The following TGM6 variants were observed in gnomAD, a reference collection of about 807,000 sequenced individuals.
TGM6 encodes the protein transglutaminase 6.
TGM6 carries 74 observed loss-of-function variants against 77.5 expected under a neutral mutation model. The observed-to-expected ratio is 0.96, with a 90% CI of 0.79 to 1.16. The LOEUF (loss-of-function observed/expected upper bound fraction) is 1.16. Among genes scored for constraint, TGM6 ranks in the 50% most tolerant of loss-of-function variants. The probability of loss-of-function intolerance (pLI) is 0.00; values close to 1 mark genes in which losing one functional copy is unlikely to be tolerated. For missense variants in TGM6, 968 were observed against 940.2 expected, an observed-to-expected ratio of 1.03 and a Z score of -0.39; for synonymous variants, 383 against 378.9, an observed-to-expected ratio of 1.01 and a Z score of -0.12.
At chr20:2,390,316 T>C (rs1175143628) in intron 1 of TGM6, among the ~76,000 whole-genome samples, 1 of 152,234 alleles carries the variant, frequency 6.6e-6, no homozygotes, top group Non-Finnish European at 1.5e-5. Context: ...TCTGTGCATG[T>C]ATGTATGTTC....
chr20:2,427,845 T>G (rs1308583373), intron 10 of TGM6, among the ~76,000 whole-genome samples: 2 of 152,150 alleles, frequency 1.3e-5, no homozygotes, highest in Non-Finnish European at 2.9e-5. Context: ...AGCCTCAACT[T>G]CCCAGGCTCA....
intron 9 of TGM6, among the ~76,000 whole-genome samples, chr20:2,404,694 G>A (rs888351167): frequency 5.3e-5 from 8 of 151,680 alleles, no homozygotes; most frequent in South Asian, 2.1e-4. Flanking sequence ...AGACTGGAGC[G>A]CAATAATGTG....
intron 1 of TGM6, among the ~76,000 whole-genome samples, chr20:2,391,357 T>C (rs2084628335): frequency 6.6e-6 from 1 of 152,064 alleles, no homozygotes; most frequent in Admixed American, 6.5e-5. Context: ...GGCAGGAACA[T>C]CTCAGAAGAC....
chr20:2,429,598 A>G (rs1485164907), intron 10 of TGM6, among the ~76,000 whole-genome samples: 1 of 152,022 alleles, frequency 6.6e-6, no homozygotes, highest in African/African-American at 2.4e-5. Context: ...GTGAAACCCC[A>G]TCTCTACTAA....
chr20:2,387,396 G>A (rs2084603432), intron 1 of TGM6, among the ~76,000 whole-genome samples: 1 of 152,142 alleles, frequency 6.6e-6, no homozygotes, highest in African/African-American at 2.4e-5. Context: ...TGCCACATGG[G>A]GTCACTGTTG....
At chr20:2,396,119 G>GCA (rs1205427217) in intron 3 of TGM6, among the ~76,000 whole-genome samples, 2 of 150,430 alleles carry the variant, frequency 1.3e-5, no homozygotes, top group Non-Finnish European at 2.9e-5. Context: ...GGTGGAGGTT[G>GCA]CAGTGAGCCA....
intron 2 of TGM6, among the ~76,000 whole-genome samples, chr20:2,394,885 G>T (rs1395829753): frequency 6.6e-6 from 1 of 152,166 alleles, no homozygotes; most frequent in Non-Finnish European, 1.5e-5. Flanking sequence ...CTCTGGAAGG[G>T]TATGAAAACC....
At chr20:2,386,815 G>T (rs1018026728) in intron 1 of TGM6, among the ~76,000 whole-genome samples, 1 of 152,048 alleles carries the variant, frequency 6.6e-6, no homozygotes, top group African/African-American at 2.4e-5. Context: ...GGGAAGGGGG[G>T]AAACCAGTGC....
chr20:2,429,233 T>C (rs952462120), intron 10 of TGM6, among the ~76,000 whole-genome samples: 7 of 152,262 alleles, frequency 4.6e-5, no homozygotes, highest in African/African-American at 1.7e-4. Context: ...TGAATCACCC[T>C]ACTGGCATTC....
At chr20:2,394,343 TAGC>T in intron 1 of TGM6, 106 bp from the exon 2 acceptor site, 2 of 1,275,940 alleles carry the variant, frequency 1.6e-6, no homozygotes, top group Non-Finnish European at 2.2e-6. Context: ...ATATGATAAA[TAGC>T]AGCTGGATGA....
intron 1 of TGM6, among the ~76,000 whole-genome samples, chr20:2,387,433 C>A (rs914865737): frequency 6.6e-6 from 1 of 152,226 alleles, no homozygotes; most frequent in African/African-American, 2.4e-5. Context: ...AGTGCTCACT[C>A]ACCACAGCAG....
chr20:2,399,308 T>C (rs1200787519), intron 5 of TGM6, among the ~76,000 whole-genome samples: 1 of 152,182 alleles, frequency 6.6e-6, no homozygotes, highest in Non-Finnish European at 1.5e-5. Context: ...ACAGATCATT[T>C]AACATAGGAA....
intron 9 of TGM6, among the ~76,000 whole-genome samples, chr20:2,413,010 C>T (rs1457061779): frequency 6.6e-6 from 1 of 152,052 alleles, no homozygotes; most frequent in African/African-American, 2.4e-5. Context: ...GTTTTTTTCC[C>T]CCAAATTAGC....
At chr20:2,387,694 A>G (rs929462684) in intron 1 of TGM6, among the ~76,000 whole-genome samples, 10 of 152,188 alleles carry the variant, frequency 6.6e-5, no homozygotes, top group African/African-American at 2.4e-4. Flanking sequence ...TCCATGTTTC[A>G]GTTTTCAATT....
intron 1 of TGM6, among the ~76,000 whole-genome samples, chr20:2,388,633 A>G (rs1251756376): frequency 6.6e-6 from 1 of 151,756 alleles, no homozygotes; most frequent in Non-Finnish European, 1.5e-5. Context: ...ACAAACAAAA[A>G]AAAACAGGCT....
intron 4 of TGM6, 48 bp from the exon 5 acceptor site, chr20:2,397,870 T>C: frequency 1.2e-6 from 2 of 1,613,906 alleles, no homozygotes; most frequent in South Asian, 2.2e-5. Context: ...GGGCCTGGAA[T>C]ATGGGTGACT....
intron 7 of TGM6, 68 bp downstream of exon 7, chr20:2,400,512 T>A: frequency 6.2e-7 from 1 of 1,607,114 alleles, no homozygotes; most frequent in Non-Finnish European, 8.5e-7. Context: ...GGCCTCATCT[T>A]CCATAACACC....
chr20:2,385,531 A>G (rs1484605197), intron 1 of TGM6, among the ~76,000 whole-genome samples: 1 of 152,124 alleles, frequency 6.6e-6, no homozygotes, highest in Non-Finnish European at 1.5e-5. Context: ...AGTGGGTGGG[A>G]GTGGGTGGTC....
intron 7 of TGM6, 48 bp from the exon 8 acceptor site, chr20:2,403,349 C>T (rs199575794): frequency 3.2e-5 from 52 of 1,604,914 alleles, no homozygotes; most frequent in Middle Eastern, 1.7e-4. Context: ...ATCTTCCCTT[C>T]CTATGCCCTC....
Sources: gnomAD v4.1 joint callset for allele counts (sites outside exome capture counted in the v4.1 genomes callset) on GRCh38, gnomAD v4.1.1 for gene constraint, MANE v1.5 for transcripts, NCBI Gene and HGNC (gene_info 2026-07-23, HGNC 2026-07-21) for gene names.